The following KCNQ3 variants were observed in gnomAD, a reference collection of about 807,000 sequenced individuals.
KCNQ3 encodes potassium voltage-gated channel subfamily KQT member 3.
KCNQ3 carries 30 observed loss-of-function variants against 92.5 expected under a neutral mutation model. The ratio of observed to expected loss-of-function variants is 0.32; its 90% CI spans 0.24 to 0.44. The LOEUF is 0.44. Among genes scored for constraint, KCNQ3 ranks in the 20% least tolerant of loss-of-function variants. The probability of loss-of-function intolerance (pLI) is 1.00; values close to 1 mark genes in which losing one functional copy is unlikely to be tolerated. For synonymous variants in KCNQ3, 450 were observed against 468.8 expected (o/e 0.96, Z 0.52); for missense variants, 913 against 1,140.3 (o/e 0.80, Z 2.87).
At chr8:132,191,808 T>C (rs1256226445) in intron 1 of KCNQ3, among the ~76,000 whole-genome samples, 1 of 151,888 alleles carries the variant, frequency 6.6e-6, no homozygotes, top group Admixed American at 6.6e-5. Flanking sequence ...AGCATCCTCC[T>C]GTGTAGTCCT....
At chr8:132,322,623 CCA>C (rs1817925952) in intron 1 of KCNQ3, among the ~76,000 whole-genome samples, 1 of 152,178 alleles carries the variant, frequency 6.6e-6, no homozygotes, top group African/African-American at 2.4e-5. Context: ...GGCTGATCTG[CCA>C]GAGCATGAGT....
chr8:132,315,120 C>A (rs1024136745), intron 1 of KCNQ3, among the ~76,000 whole-genome samples: 1 of 152,044 alleles, frequency 6.6e-6, no homozygotes, highest in African/African-American at 2.4e-5. Flanking sequence ...GATCACTTAG[C>A]TGGCAATGTG....
At chr8:132,383,720 C>T (rs1037642621) in intron 1 of KCNQ3, among the ~76,000 whole-genome samples, 3 of 152,098 alleles carry the variant, frequency 2.0e-5, no homozygotes, top group Admixed American at 2.0e-4. Flanking sequence ...GGATGCGGAT[C>T]GGGACAGGGT....
chr8:132,168,767 GTGTGTGTGTGTGTT>G lies in KCNQ3; in HGVS notation c.1235+1553_1235+1566del, dbSNP rs1270581964. On this transcript the variant is annotated intron_variant, in intron 8 of 14. Coordinates refer to ENST00000388996, the MANE Select transcript of KCNQ3 (RefSeq NM_004519.4). ...TGTGTGTGTGTGTGTGTGTGTGTGT[GTGTGTGTGTGTGTT>G]TGCAGAGGAGTTGTGGCTGGGCACA... Among the ~76,000 whole-genome samples, 5 of 103,096 alleles carry G rather than the reference GTGTGTGTGTGTGTT, an allele frequency of 4.8e-5. No homozygotes were observed. The East Asian group carries it at 1.2e-3, about 24-fold the overall frequency. 67.6% of individuals were successfully genotyped at this position (103,096 alleles called of 152,430 possible).
intron 1 of KCNQ3, among the ~76,000 whole-genome samples, chr8:132,301,957 G>C (rs10956654): frequency 0.46 from 70,048 of 151,724 alleles, 16,806 homozygotes; most frequent in East Asian, 0.67. Context: ...AGACAAAGTG[G>C]AAACAACCAA....
chr8:132,384,205 T>A (rs1819834296), intron 1 of KCNQ3, among the ~76,000 whole-genome samples: 1 of 152,208 alleles, frequency 6.6e-6, no homozygotes, highest in African/African-American at 2.4e-5. Context: ...TTTTGTGTTC[T>A]TATCTGTTCC....
intron 1 of KCNQ3, among the ~76,000 whole-genome samples, chr8:132,228,514 G>C (rs1814506785): frequency 6.6e-6 from 1 of 152,144 alleles, no homozygotes; most frequent in South Asian, 2.1e-4. Context: ...GAGAATTCTT[G>C]AGAGTTTTAG....
intron 12 of KCNQ3, among the ~76,000 whole-genome samples, chr8:132,137,616 C>G (rs1336174517): frequency 6.6e-6 from 1 of 152,216 alleles, no homozygotes; most frequent in East Asian, 1.9e-4. Flanking sequence ...GAAAGCATCA[C>G]AGTCAGAAGC....
At chr8:132,229,508 G>A (rs1190185692) in intron 1 of KCNQ3, among the ~76,000 whole-genome samples, 3 of 152,064 alleles carry the variant, frequency 2.0e-5, no homozygotes, top group African/African-American at 7.2e-5. Context: ...TGGTACATGA[G>A]CAGGTTCGGA....
intron 1 of KCNQ3, among the ~76,000 whole-genome samples, chr8:132,309,213 T>A (rs953787967): frequency 5.3e-5 from 8 of 152,216 alleles, no homozygotes; most frequent in African/African-American, 1.9e-4. Context: ...TTGGACTGGC[T>A]TTGTGTGAGT....
chr8:132,204,829 T>A (rs1271078252), intron 1 of KCNQ3, among the ~76,000 whole-genome samples: 1 of 152,188 alleles, frequency 6.6e-6, no homozygotes, highest in Non-Finnish European at 1.5e-5. Flanking sequence ...CAAGTGCAAA[T>A]GAAAAGCCAG....
intron 9 of KCNQ3, among the ~76,000 whole-genome samples, chr8:132,162,045 T>C (rs1172422302): frequency 2.6e-5 from 4 of 152,204 alleles, no homozygotes; most frequent in Admixed American, 2.6e-4. Flanking sequence ...CACCCAGCAA[T>C]AATGGGATAG....
intron 1 of KCNQ3, among the ~76,000 whole-genome samples, chr8:132,254,581 A>G (rs1313651346): frequency 1.3e-5 from 2 of 152,172 alleles, no homozygotes; most frequent in Non-Finnish European, 2.9e-5. Context: ...CTGATAATAA[A>G]TGTTTTAATA....
At chr8:132,174,695 T>G (rs914061578) in intron 5 of KCNQ3, among the ~76,000 whole-genome samples, 1 of 152,210 alleles carries the variant, frequency 6.6e-6, no homozygotes, top group Non-Finnish European at 1.5e-5. Context: ...TTGTATGTAT[T>G]GTGTATATAT....
intron 1 of KCNQ3, among the ~76,000 whole-genome samples, chr8:132,204,886 T>G (rs1326401750): frequency 6.6e-6 from 1 of 152,170 alleles, no homozygotes; most frequent in Admixed American, 6.5e-5. Flanking sequence ...TCATCCTCCA[T>G]GCTTGAAATG....
chr8:132,387,213 T>G (rs968390658), intron 1 of KCNQ3, among the ~76,000 whole-genome samples: 1 of 152,128 alleles, frequency 6.6e-6, no homozygotes, highest in Non-Finnish European at 1.5e-5. Flanking sequence ...TCAAGACGTC[T>G]GAAAATAGGG....
At chr8:132,389,887 T>C (rs551430600) in intron 1 of KCNQ3, among the ~76,000 whole-genome samples, 2 of 152,366 alleles carry the variant, frequency 1.3e-5, no homozygotes, top group South Asian at 4.1e-4. Context: ...ATTTGAAGAT[T>C]AATGTACCCT....
intron 1 of KCNQ3, among the ~76,000 whole-genome samples, chr8:132,409,608 C>T (rs186989396): frequency 5.9e-5 from 9 of 152,340 alleles, no homozygotes; most frequent in Non-Finnish European, 8.8e-5. Flanking sequence ...CATCCCTCAT[C>T]ATCTACCTTC....
At chr8:132,316,331 C>G (rs1817741937) in intron 1 of KCNQ3, among the ~76,000 whole-genome samples, 1 of 152,146 alleles carries the variant, frequency 6.6e-6, no homozygotes, top group East Asian at 1.9e-4. Context: ...ACAAATTACT[C>G]ACCACCTCAC....
Sources: allele counts gnomAD v4.1 joint callset (sites outside exome capture counted in the v4.1 genomes callset), GRCh38; gene constraint gnomAD v4.1.1; transcripts MANE v1.5; gene names NCBI Gene and HGNC (gene_info 2026-07-23, HGNC 2026-07-21).